Variants in TMEM150C observed in about 807,000 individuals in gnomAD.
The protein encoded by TMEM150C is tentonin 3.
TMEM150C carries 10 observed loss-of-function variants against 29.9 expected under a neutral mutation model. The ratio of observed to expected loss-of-function variants is 0.33; its 90% CI spans 0.21 to 0.57. The LOEUF (loss-of-function observed/expected upper bound fraction) is 0.57. Among genes scored for constraint, TMEM150C ranks in the 20% least tolerant of loss-of-function variants. The pLI is 0.88. For synonymous variants in TMEM150C, 101 were observed against 112.5 expected, an observed-to-expected ratio of 0.90 and a Z score of 0.64; for missense variants, 251 against 303.6, an observed-to-expected ratio of 0.83 and a Z score of 1.29.
At chr4:82,537,764 A>G (rs1328198473) in intron 1 of TMEM150C, among the ~76,000 whole-genome samples, 2 of 152,234 alleles carry the variant, frequency 1.3e-5, no homozygotes, top group South Asian at 2.1e-4. Flanking sequence ...AGAAGCACAC[A>G]TGAAGACAGA....
chr4:82,535,168 T>C (rs1394971644), intron 1 of TMEM150C, among the ~76,000 whole-genome samples: 1 of 152,200 alleles, frequency 6.6e-6, no homozygotes, highest in Admixed American at 6.5e-5. Flanking sequence ...AACTGGGTAA[T>C]TTATAAAGAA....
At chr4:82,557,550 A>G (rs1274507734) in intron 1 of TMEM150C, among the ~76,000 whole-genome samples, 1 of 152,152 alleles carries the variant, frequency 6.6e-6, no homozygotes, top group African/African-American at 2.4e-5. Flanking sequence ...AAAAGAGCAA[A>G]TAAGCCCAAG....
At chr4:82,527,518 C>A (rs919660293) in intron 1 of TMEM150C, among the ~76,000 whole-genome samples, 2 of 152,140 alleles carry the variant, frequency 1.3e-5, no homozygotes, top group African/African-American at 4.8e-5. Context: ...TTCTGCAGGA[C>A]ACTCACACCA....
At chr4:82,533,424 C>G (rs561894548) in intron 1 of TMEM150C, among the ~76,000 whole-genome samples, 14 of 152,224 alleles carry the variant, frequency 9.2e-5, no homozygotes, top group African/African-American at 3.1e-4. Flanking sequence ...ATAAGCATAT[C>G]TCCAAAAAAA....
chr4:82,534,799 A>G (rs1724956532), intron 1 of TMEM150C, among the ~76,000 whole-genome samples: 1 of 152,228 alleles, frequency 6.6e-6, no homozygotes, highest in South Asian at 2.1e-4. Context: ...ATAAAATTCC[A>G]TGAACATCCC....
In TMEM150C at chr4:82,484,137, T is replaced by C. The variant is rs572220471; in HGVS notation, c.*1374A>G. On this transcript the variant is annotated 3_prime_UTR_variant, in exon 8 of 8. Transcript: ENST00000449862. ...TATTCCAGGTAATCCCAGACCTCTATGGGGTAAATCTGGGGATTTCTTGGA... is the reference window on the plus strand; with the variant it reads ...TATTCCAGGTAATCCCAGACCTCTACGGGGTAAATCTGGGGATTTCTTGGA... 5 of 152,208 alleles carry C rather than the reference T, an allele frequency of 3.3e-5. No individual in the cohort carries two copies. Among genetic ancestry groups the C allele is most frequent in the Non-Finnish European group, 7.4e-5 (5 of 68,024 alleles). 9.4% of individuals were successfully genotyped at this position (152,208 alleles called of 1,614,324 possible). A position where few individuals can be genotyped will look rare whatever the true frequency, so the allele number is the denominator to read the frequency against.
At chr4:82,518,428 C>G (rs1724368392) in intron 1 of TMEM150C, among the ~76,000 whole-genome samples, 2 of 152,226 alleles carry the variant, frequency 1.3e-5, no homozygotes, top group African/African-American at 2.4e-5. Context: ...CTTACCAGAC[C>G]CGGGATGCAC....
At chr4:82,535,930 C>T (rs1028031876) in intron 1 of TMEM150C, among the ~76,000 whole-genome samples, 6 of 152,124 alleles carry the variant, frequency 3.9e-5, no homozygotes, top group Admixed American at 3.9e-4. Flanking sequence ...TATGTAGCAC[C>T]CCCCTCCCTG....
At position 82,529,619 on chromosome 4, in the gene TMEM150C, G is replaced by C. The variant is rs78386168; in HGVS notation, c.-10-24952C>G. Among the ~76,000 whole-genome samples, 602 of 152,214 alleles carry C rather than the reference G, an allele frequency of 4.0e-3. 1 individual carries two copies. The highest frequency in any genetic ancestry group is 0.014 in the African/African-American group (568 of 41,526). On this transcript the variant is annotated intron_variant, in intron 1 of 7. Coordinates refer to ENST00000449862, the MANE Select transcript of TMEM150C (RefSeq NM_001080506.3). ...GTTTTGTTATGAAGGTCAAGGAGTG[G>C]TCAACTGTCTCAAATGCCACAGGTG...
chr4:82,487,818 T>TC (rs1345487516), intron 7 of TMEM150C, among the ~76,000 whole-genome samples: 3 of 152,240 alleles, frequency 2.0e-5, no homozygotes, highest in East Asian at 1.9e-4. Context: ...TTTTATTCTT[T>TC]CCCCCCCTCA....
At chr4:82,533,749 T>G (rs189404279) in intron 1 of TMEM150C, among the ~76,000 whole-genome samples, 12 of 152,330 alleles carry the variant, frequency 7.9e-5, no homozygotes, top group Admixed American at 5.9e-4. Context: ...AAGCTAGATT[T>G]GTAGAAACAA....
chr4:82,544,321 C>T (rs1725287144), intron 1 of TMEM150C, among the ~76,000 whole-genome samples: 1 of 152,130 alleles, frequency 6.6e-6, no homozygotes, highest in South Asian at 2.1e-4. Context: ...CCCAGCCTGT[C>T]AAAGTGGATG....
chr4:82,549,694 T>C (rs1168434255), intron 1 of TMEM150C, among the ~76,000 whole-genome samples: 4 of 152,246 alleles, frequency 2.6e-5, no homozygotes, highest in African/African-American at 9.6e-5. Flanking sequence ...CTCTTTAAAC[T>C]TTTTCACTTC....
At chr4:82,543,459 T>C (rs1725258751) in intron 1 of TMEM150C, among the ~76,000 whole-genome samples, 1 of 152,230 alleles carries the variant, frequency 6.6e-6, no homozygotes, top group South Asian at 2.1e-4. Context: ...AATGCTGATA[T>C]TACATCTGCA....
chr4:82,492,055 C>T, intron 6 of TMEM150C, among the ~76,000 whole-genome samples: 1 of 151,880 alleles, frequency 6.6e-6, no homozygotes, highest in East Asian at 1.9e-4. Flanking sequence ...TCTGCCTCAG[C>T]CTCCCAAAGT....
chr4:82,552,513 T>C lies in TMEM150C; in HGVS notation c.-11+9393A>G, dbSNP rs558992515. Among the ~76,000 whole-genome samples, 24 of 152,278 alleles carry C rather than the reference T, an allele frequency of 1.6e-4. 1 individual carries two copies. In the South Asian group the frequency reaches 5.0e-3, roughly 32 times the overall value. ...GTGTCCACTGGCCTTCATGTGTCCATTTCCCTGCCCATCTGCCCATAAGCT... is the reference window on the plus strand; with the variant it reads ...GTGTCCACTGGCCTTCATGTGTCCACTTCCCTGCCCATCTGCCCATAAGCT... On this transcript the variant is annotated intron_variant, in intron 1 of 7. Coordinates refer to ENST00000449862, the MANE Select transcript of TMEM150C (RefSeq NM_001080506.3).
chr4:82,503,562 C>T (rs776261544), intron 2 of TMEM150C, among the ~76,000 whole-genome samples: 9 of 152,220 alleles, frequency 5.9e-5, no homozygotes, highest in South Asian at 2.1e-4. Flanking sequence ...ATTTTATAAA[C>T]ATATCAGGCC....
At position 82,504,615 on chromosome 4, in the gene TMEM150C, C is replaced by A; in HGVS notation, c.43G>T (p.Val15Leu). Reference sequence around the variant, plus strand: ...CCAGCTGAAGTAAACAAAGTAAATACAAGAGGTAGGAACATCCATACGCTG... The same window carrying A: ...CCAGCTGAAGTAAACAAAGTAAATAAAAGAGGTAGGAACATCCATACGCTG... ...KCSVWMFLPL[V>L]FTLFTSAGLW... Residue 15 changes from valine to leucine, a missense_variant, in exon 2 of 8, where the codon GTA becomes TTA. By Grantham distance (32) the Val-to-Leu change is conservative. Transcript: ENST00000449862. 6.2e-7 allele frequency: 1 copy of A among 1,613,730 alleles called. No individual in the cohort carries two copies. Among genetic ancestry groups the A allele is most frequent in the Non-Finnish European group, 8.5e-7 (1 of 1,179,758 alleles).
rs145460512 is a variant in TMEM150C, at chr4:82,548,471, G to C, written c.-11+13435C>G. Among the ~76,000 whole-genome samples the C allele has an allele frequency of 4.8e-3, 724 of 152,208 alleles. 12 individuals are homozygous for C. Among genetic ancestry groups the C allele is most frequent in the African/African-American group, 0.016 (684 of 41,498 alleles). ...TTCGTGCAAGGGGCAGCAGGGTGTT[G>C]TGGAATGAAGGGTCCCAGGGCAAGT... is the stretch of plus-strand genomic sequence containing the variant. On this transcript the variant is annotated intron_variant, in intron 1 of 7. Coordinates refer to ENST00000449862, the MANE Select transcript of TMEM150C (RefSeq NM_001080506.3).
Sources: gnomAD v4.1 joint callset for allele counts (sites outside exome capture counted in the v4.1 genomes callset) on GRCh38, gnomAD v4.1.1 for gene constraint, MANE v1.5 for transcripts, NCBI Gene and HGNC (gene_info 2026-07-23, HGNC 2026-07-21) for gene names.